LRP1B: variants seen among roughly 807,000 people sequenced by gnomAD.
LRP1B encodes low-density lipoprotein receptor-related protein 1B.
Under a neutral mutation model 556.6 loss-of-function variants are expected in LRP1B, and 217 were observed. The observed-to-expected ratio is 0.39, with a 90% CI of 0.35 to 0.44. LRP1B has a LOEUF of 0.44. Ranked by LOEUF, LRP1B falls within the 20% of genes least tolerant of loss-of-function variation. The pLI is 1.00. For missense variants in LRP1B, 5,053 were observed against 5,620.8 expected (o/e 0.90, Z 3.23); for synonymous variants, 2,047 against 1,865.8 (o/e 1.10, Z -2.50).
chr2:141,000,086 TTA>T (rs1697371149), intron 15 of LRP1B, among the ~76,000 whole-genome samples: 3 of 148,916 alleles, frequency 2.0e-5, no homozygotes, highest in African/African-American at 7.5e-5. Context: ...GGCTCATTTT[TTA>T]TTTTCTTTTT....
At position 141,660,316 on chromosome 2, in the gene LRP1B, C is replaced by A. The variant is rs12691617; in HGVS notation, c.205+149963G>T. On this transcript the variant is annotated intron_variant, in intron 2 of 90. Transcript: ENST00000389484. ...TGCTTTTTCCATGGATTTGTGCAAC[C>A]CGTGGAGCAGATCTCCTCATGAGCC... Among the ~76,000 whole-genome samples, 333 of 152,248 alleles carry A rather than the reference C, an allele frequency of 2.2e-3. 2 individuals carry two copies. Among genetic ancestry groups the A allele is most frequent in the African/African-American group, 7.8e-3 (324 of 41,552 alleles).
intron 34 of LRP1B, among the ~76,000 whole-genome samples, chr2:140,770,026 T>C (rs1011008173): frequency 2.0e-5 from 3 of 151,772 alleles, no homozygotes; most frequent in African/African-American, 7.3e-5. Context: ...TTAGAAAATA[T>C]TTATATTTTT....
intron 1 of LRP1B, among the ~76,000 whole-genome samples, chr2:141,872,523 AAGAT>A: frequency 6.6e-6 from 1 of 152,074 alleles, no homozygotes; most frequent in Admixed American, 6.6e-5. Context: ...AAGAAAACAA[AAGAT>A]AGAATTAATA....
At chr2:140,247,683 A>T (rs1266155865) in intron 86 of LRP1B, among the ~76,000 whole-genome samples, 1 of 151,764 alleles carries the variant, frequency 6.6e-6, no homozygotes, top group African/African-American at 2.4e-5. Flanking sequence ...CCCATTTTAA[A>T]TCATACTTCT....
chr2:140,610,845 A>G (rs918717372), intron 41 of LRP1B, among the ~76,000 whole-genome samples: 1 of 152,248 alleles, frequency 6.6e-6, no homozygotes, highest in Non-Finnish European at 1.5e-5. Context: ...TGCCGGGATT[A>G]CAGGCGTGAG....
rs931375332 is a variant in LRP1B, at chr2:141,545,467, A to T, written c.206-64934T>A. Among the ~76,000 whole-genome samples the T allele has an allele frequency of 2.6e-5, 4 of 152,196 alleles. No homozygotes were observed. In the East Asian group the frequency reaches 5.8e-4, roughly 22 times the overall value. ...TACCTTGGCAAAAGGAACCTTACAG[A>T]TGAGAGTAAAGCTAAGAACCTTGAG... On this transcript the variant is annotated intron_variant, in intron 2 of 90. Coordinates refer to ENST00000389484, the MANE Select transcript of LRP1B (RefSeq NM_018557.3).
chr2:140,547,847 C>CAAATTA (rs1334215549), intron 43 of LRP1B, among the ~76,000 whole-genome samples: 1 of 150,382 alleles, frequency 6.6e-6, no homozygotes, highest in Admixed American at 6.7e-5. Context: ...ATTTTAAAAT[C>CAAATTA]AAATTAAATA....
intron 79 of LRP1B, among the ~76,000 whole-genome samples, chr2:140,326,688 AC>A (rs934780427): frequency 6.7e-6 from 1 of 148,464 alleles, no homozygotes; most frequent in African/African-American, 2.5e-5. Flanking sequence ...ACAGAGTGAG[AC>A]CCCCTGCCTC....
intron 43 of LRP1B, among the ~76,000 whole-genome samples, chr2:140,588,622 C>A (rs1281152928): frequency 6.6e-6 from 1 of 152,162 alleles, no homozygotes; most frequent in East Asian, 1.9e-4. Flanking sequence ...TAGACACCTA[C>A]AATTATGCCC....
chr2:141,202,659 C>T, intron 6 of LRP1B, among the ~76,000 whole-genome samples: 1 of 152,118 alleles, frequency 6.6e-6, no homozygotes, highest in Non-Finnish European at 1.5e-5. Flanking sequence ...TTGCATTTCT[C>T]TGGTGGTCAG....
chr2:140,321,942 A>G (rs1334013616), intron 82 of LRP1B, 21 bp downstream of exon 82: 1 of 1,594,082 alleles, frequency 6.3e-7, no homozygotes, highest in African/African-American at 1.4e-5. Flanking sequence ...CATTATTTAC[A>G]GAATAATAAA....
chr2:140,903,665 G>A (rs996262147), intron 22 of LRP1B, among the ~76,000 whole-genome samples: 1 of 151,810 alleles, frequency 6.6e-6, no homozygotes, highest in African/African-American at 2.4e-5. Flanking sequence ...AGTCCATTTT[G>A]GAGTTAAAAT....
intron 2 of LRP1B, among the ~76,000 whole-genome samples, chr2:141,757,060 G>T (rs1317353644): frequency 6.6e-6 from 1 of 151,934 alleles, no homozygotes; most frequent in East Asian, 1.9e-4. Context: ...TGCTTCTAAA[G>T]GTTTAATATT....
At chr2:141,388,047 A>G (rs1689897255) in intron 3 of LRP1B, among the ~76,000 whole-genome samples, 1 of 152,236 alleles carries the variant, frequency 6.6e-6, no homozygotes, top group Non-Finnish European at 1.5e-5. Context: ...AATATGTTTT[A>G]TTAATATATA....
chr2:140,725,994 A>T (rs1011512682), intron 35 of LRP1B, among the ~76,000 whole-genome samples: 2 of 152,202 alleles, frequency 1.3e-5, no homozygotes, highest in African/African-American at 4.8e-5. Flanking sequence ...AAAATACCAA[A>T]GAGACAGCCA....
At chr2:141,278,436 T>TAGA (rs1685385415) in intron 3 of LRP1B, among the ~76,000 whole-genome samples, 1 of 152,194 alleles carries the variant, frequency 6.6e-6, no homozygotes. Flanking sequence ...TATGCCACGT[T>TAGA]AGAAACCTGT....
intron 77 of LRP1B, among the ~76,000 whole-genome samples, chr2:140,343,174 G>T (rs546905784): frequency 6.6e-6 from 1 of 151,504 alleles, no homozygotes; most frequent in East Asian, 1.9e-4. Flanking sequence ...TAAAACATGA[G>T]AAAATATGTT....
At chr2:141,222,859 G>A (rs1169785925) in intron 6 of LRP1B, among the ~76,000 whole-genome samples, 1 of 152,034 alleles carries the variant, frequency 6.6e-6, no homozygotes, top group African/African-American at 2.4e-5. Context: ...TACAAACTCT[G>A]AATAAACTAG....
At chr2:142,069,479 A>T (rs550268569) in intron 1 of LRP1B, among the ~76,000 whole-genome samples, 100 of 47,268 alleles carry the variant, frequency 2.1e-3, no homozygotes, top group Admixed American at 0.011. Context: ...GACCAACAAC[A>T]ACTTCATCTC....
Sources: gnomAD v4.1 joint callset for allele counts (sites outside exome capture counted in the v4.1 genomes callset) on GRCh38, gnomAD v4.1.1 for gene constraint, MANE v1.5 for transcripts, NCBI Gene and HGNC (gene_info 2026-07-23, HGNC 2026-07-21) for gene names.